CSMD2: variants seen among roughly 807,000 people sequenced by gnomAD.
CSMD2 encodes the protein CUB and sushi domain-containing protein 2.
CSMD2 carries 130 observed loss-of-function variants against 398.5 expected under a neutral mutation model. The observed-to-expected ratio is 0.33, with a 90% CI of 0.28 to 0.38. The LOEUF is 0.38. Ranked by LOEUF, CSMD2 falls within the 10% of genes least tolerant of loss-of-function variation. CSMD2 has a pLI of 1.00. For missense variants in CSMD2, 3,829 were observed against 4,764.9 expected (o/e 0.80, Z 5.78); for synonymous variants, 1,828 against 1,908.5 (o/e 0.96, Z 1.10).
intron 25 of CSMD2, among the ~76,000 whole-genome samples, chr1:33,692,447 C>T (rs1015289402): frequency 6.6e-6 from 1 of 152,184 alleles, no homozygotes; most frequent in Non-Finnish European, 1.5e-5. Context: ...TGAGTTAGTG[C>T]TTGCTAACTG....
chr1:33,966,343 A>G (rs913351649), intron 3 of CSMD2, among the ~76,000 whole-genome samples: 3 of 152,226 alleles, frequency 2.0e-5, no homozygotes, highest in African/African-American at 4.8e-5. Flanking sequence ...CCTGGTCTAC[A>G]TAAAGTAGAT....
chr1:33,545,996 G>A (rs1656846069), intron 57 of CSMD2, 41 bp downstream of exon 57: 1 of 1,573,136 alleles, frequency 6.4e-7, no homozygotes, highest in East Asian at 2.3e-5. Context: ...CGAGCTCTGG[G>A]GCTGGGCAAA....
At chr1:33,820,022 G>A (rs749658297) in intron 8 of CSMD2, among the ~76,000 whole-genome samples, 185 bp from the exon 9 acceptor site, 1 of 151,930 alleles carries the variant, frequency 6.6e-6, no homozygotes, top group African/African-American at 2.4e-5. Flanking sequence ...TTCTTTTTTC[G>A]GACTGTTTAA....
chr1:33,649,546 A>G (rs1369001152), intron 28 of CSMD2, among the ~76,000 whole-genome samples: 1 of 152,190 alleles, frequency 6.6e-6, no homozygotes, highest in African/African-American at 2.4e-5. Flanking sequence ...CGGGAGGCTG[A>G]GGCATGAGAA....
intron 5 of CSMD2, among the ~76,000 whole-genome samples, chr1:33,885,734 T>C (rs1406388243): frequency 6.6e-6 from 1 of 152,178 alleles, no homozygotes; most frequent in Non-Finnish European, 1.5e-5. Flanking sequence ...TGCCCATATT[T>C]CTTACAAAAT....
chr1:33,932,445 C>T lies in CSMD2; in HGVS notation c.712+3315G>A, dbSNP rs6665339. Among the ~76,000 whole-genome samples, 10 of 151,898 alleles carry T rather than the reference C, an allele frequency of 6.6e-5. No individual in the cohort carries two copies. In the South Asian group the frequency reaches 8.3e-4, roughly 13 times the overall value. On this transcript the variant is annotated intron_variant, in intron 4 of 70. Coordinates refer to ENST00000373381, the MANE Select transcript of CSMD2 (RefSeq NM_001281956.2). ...GGGAAAGAATCATCATCATTTCAGACGACGAAAAAAGAATTGGAAGACTTC... is the reference window on the plus strand; with the variant it reads ...GGGAAAGAATCATCATCATTTCAGATGACGAAAAAAGAATTGGAAGACTTC...
chr1:33,542,569 G>T, intron 58 of CSMD2, 151 bp downstream of exon 58: 2 of 636,024 alleles, frequency 3.1e-6, no homozygotes, highest in Non-Finnish European at 5.2e-6. Context: ...CATAGCATAT[G>T]CTCAACAGAG....
intron 2 of CSMD2, among the ~76,000 whole-genome samples, chr1:34,059,463 C>T (rs527666977): frequency 6.6e-6 from 1 of 152,238 alleles, no homozygotes; most frequent in South Asian, 2.1e-4. Context: ...ATTCTAGCAC[C>T]CTATTTCTTT....
intron 1 of CSMD2, among the ~76,000 whole-genome samples, chr1:34,136,318 C>T (rs1009680207): frequency 1.3e-5 from 2 of 152,230 alleles, no homozygotes; most frequent in African/African-American, 4.8e-5. Flanking sequence ...GGGTTCAGCC[C>T]ACTCAGTTGA....
chr1:33,611,630 C>T (rs1452596386), intron 40 of CSMD2, among the ~76,000 whole-genome samples: 1 of 152,130 alleles, frequency 6.6e-6, no homozygotes, highest in African/African-American at 2.4e-5. Context: ...ACCCCCAATA[C>T]TTAATCAAAA....
At chr1:33,593,947 A>G (rs1304982863) in intron 44 of CSMD2, among the ~76,000 whole-genome samples, 1 of 152,174 alleles carries the variant, frequency 6.6e-6, no homozygotes, top group Non-Finnish European at 1.5e-5. Flanking sequence ...TTCTCTAGTG[A>G]TCAAAGTCAA....
rs1202626697 is a variant in CSMD2 at position 33,532,977 on chromosome 1, C to T, written c.10171+73G>A. On this transcript the variant is annotated intron_variant, in intron 64 of 70. Coordinates refer to ENST00000373381, the MANE Select transcript of CSMD2 (RefSeq NM_001281956.2). ...CGCAATTCCTTCCTTCTCTTTTGCC[C>T]TCTTTCAGCTCAAGTTCAGCCAGCA... 3.6e-6 allele frequency: 5 copies of T among 1,377,098 alleles called. No individual in the cohort carries two copies. The African/African-American group carries it at 5.8e-5, about 16-fold the overall frequency. 85.3% of individuals were successfully genotyped at this position (1,377,098 alleles called of 1,614,324 possible).
At chr1:34,016,627 T>C (rs1648151739) in intron 3 of CSMD2, among the ~76,000 whole-genome samples, 1 of 152,220 alleles carries the variant, frequency 6.6e-6, no homozygotes, top group African/African-American at 2.4e-5. Flanking sequence ...TAAATCATTC[T>C]GCTATAAAGA....
At chr1:34,051,543 C>T (rs1653173753) in intron 2 of CSMD2, among the ~76,000 whole-genome samples, 1 of 151,532 alleles carries the variant, frequency 6.6e-6, no homozygotes. Context: ...TTTCTTTTTC[C>T]TTTTTCATAT....
intron 22 of CSMD2, among the ~76,000 whole-genome samples, chr1:33,702,854 A>T (rs2149127971): frequency 6.6e-6 from 1 of 152,288 alleles, no homozygotes; most frequent in African/African-American, 2.4e-5. Context: ...CGTTAAATCT[A>T]CCTGGAATTT....
intron 5 of CSMD2, among the ~76,000 whole-genome samples, chr1:33,874,083 A>T (rs1318220315): frequency 1.3e-5 from 2 of 152,218 alleles, no homozygotes; most frequent in Non-Finnish European, 2.9e-5. Flanking sequence ...ATGCCATCCC[A>T]ATGCACAGCA....
chr1:33,890,323 C>G (rs574524063), intron 5 of CSMD2, among the ~76,000 whole-genome samples: 1 of 151,244 alleles, frequency 6.6e-6, no homozygotes, highest in South Asian at 2.1e-4. Flanking sequence ...CTCCGCCTCC[C>G]GGGTGCACAC....
At chr1:34,087,230 G>T (rs1657982501) in intron 2 of CSMD2, among the ~76,000 whole-genome samples, 1 of 151,836 alleles carries the variant, frequency 6.6e-6, no homozygotes, top group Admixed American at 6.6e-5. Flanking sequence ...TCTGCTCATA[G>T]CTCTCTTTCC....
chr1:33,772,554 T>G lies in CSMD2; in HGVS notation c.1846+15A>C. ...CAGTGAAGACCCTGGCGTGGCCTCC[T>G]CCCTGCTCACTTACACACGCAGCCT... On this transcript the variant is annotated intron_variant, in intron 13 of 70. Transcript: ENST00000373381. 6.2e-7 allele frequency: 1 copy of G among 1,607,516 alleles called. No individual in the cohort carries two copies. The highest frequency in any genetic ancestry group is 8.5e-7 in the Non-Finnish European group (1 of 1,175,270).
Sources: allele counts gnomAD v4.1 joint callset (sites outside exome capture counted in the v4.1 genomes callset), GRCh38; gene constraint gnomAD v4.1.1; transcripts MANE v1.5; gene names NCBI Gene and HGNC (gene_info 2026-07-23, HGNC 2026-07-21).